Variants in GPR137C observed in about 807,000 individuals in gnomAD.
The protein encoded by GPR137C is G protein-coupled receptor 137C.
Under a neutral mutation model 43.4 loss-of-function variants are expected in GPR137C, and 27 were observed. The ratio of observed to expected loss-of-function variants is 0.62; its 90% CI spans 0.46 to 0.86. The LOEUF is 0.86. Ranked by LOEUF, GPR137C falls within the 40% of genes least tolerant of loss-of-function variation. The probability of loss-of-function intolerance (pLI) is 0.00; values close to 1 mark genes in which losing one functional copy is unlikely to be tolerated. For missense variants in GPR137C, 522 were observed against 534.6 expected (o/e 0.98, Z 0.23); for synonymous variants, 285 against 226.9 (o/e 1.26, Z -2.30).
intron 1 of GPR137C, among the ~76,000 whole-genome samples, chr14:52,574,645 T>C (rs111313835): frequency 0.22 from 32,930 of 152,118 alleles, 3,935 homozygotes; most frequent in East Asian, 0.38. Flanking sequence ...CAAACCACCA[T>C]GGCACATGTA....
In GPR137C at chr14:52,553,349, C is replaced by G; in HGVS notation, c.202C>G (p.Leu68Val). Residue 68 changes from leucine (L) to valine (V), a missense_variant, in exon 1 of 7, where the codon CTG (leucine) becomes GTG (valine). Physicochemically the swap from Leu to Val is conservative, Grantham distance 32 (BLOSUM62 1). Transcript: ENST00000321662. The part of the protein sequence containing the change: ...AALFAFAYLQ[L>V]WRLLLYRERR... ...GCTGTTCGCCTTTGCCTACCTGCAG[C>G]TGTGGCGGCTGCTCCTGTACCGCGA... 2 of 1,601,600 alleles carry G rather than the reference C, an allele frequency of 1.2e-6. No individual in the cohort carries two copies. The highest frequency in any genetic ancestry group is 8.5e-7 in the Non-Finnish European group (1 of 1,178,240).
At chr14:52,571,843 C>T (rs12148003) in intron 1 of GPR137C, among the ~76,000 whole-genome samples, 14,810 of 151,888 alleles carry the variant, frequency 0.098, 1,073 homozygotes, top group East Asian at 0.36. Flanking sequence ...ACAAAATAGA[C>T]CACTAGCCAG....
chr14:52,582,258 G>A (rs1469168227), intron 1 of GPR137C, among the ~76,000 whole-genome samples: 1 of 152,098 alleles, frequency 6.6e-6, no homozygotes, highest in Non-Finnish European at 1.5e-5. Context: ...AATGAGGGCT[G>A]CATCCTCATG....
At chr14:52,615,550 G>A (rs1212540377) in intron 3 of GPR137C, among the ~76,000 whole-genome samples, 1 of 151,526 alleles carries the variant, frequency 6.6e-6, no homozygotes, top group African/African-American at 2.4e-5. Context: ...ATTGCTTTGG[G>A]TAGTATGGAC....
At chr14:52,633,460 A>T (rs1594811935) in intron 4 of GPR137C, 70 bp from the exon 5 acceptor site, 1 of 1,339,442 alleles carries the variant, frequency 7.5e-7, no homozygotes, top group Middle Eastern at 1.8e-4. Context: ...ACTTGAAACA[A>T]GTTAACTGTG....
chr14:52,566,118 G>A (rs556428082), intron 1 of GPR137C, among the ~76,000 whole-genome samples: 139 of 152,222 alleles, frequency 9.1e-4, no homozygotes, highest in African/African-American at 2.7e-3. Context: ...TACATAACAC[G>A]TTAAAACTGA....
At chr14:52,600,085 A>C (rs1376733285) in intron 2 of GPR137C, 28 bp from the exon 3 acceptor site, 4 of 1,401,722 alleles carry the variant, frequency 2.9e-6, no homozygotes, top group Non-Finnish European at 4.0e-6. Context: ...TAGTTATATA[A>C]CCATCTAATA....
At position 52,552,863 on chromosome 14, in the gene GPR137C, G is replaced by C. The variant is rs2038096951; in HGVS notation, c.-285G>C. On this transcript the variant is annotated 5_prime_UTR_variant, in exon 1 of 7. Coordinates refer to ENST00000321662, the MANE Select transcript of GPR137C (RefSeq NM_001099652.2). Reference sequence around the variant, plus strand: ...TGCGGAGCGAGCGCCTCAAATGCTCGGGTTTCTCAGCTGATTGTCTCCAGC... The same window carrying C: ...TGCGGAGCGAGCGCCTCAAATGCTCCGGTTTCTCAGCTGATTGTCTCCAGC... 6.6e-6 allele frequency among the ~76,000 whole-genome samples: 1 copy of C among 152,018 alleles called. No individual in the cohort carries two copies. The highest frequency in any genetic ancestry group is 1.5e-5 in the Non-Finnish European group (1 of 67,970).
rs969119649 is a variant in GPR137C, at chr14:52,553,225, C to T, written c.78C>T (p.Gly26=). The T allele has an allele frequency of 1.6e-5, 20 of 1,285,444 alleles. No individual in the cohort carries two copies. The highest frequency in any genetic ancestry group is 4.1e-5 in the Admixed American group (1 of 24,614). 79.6% of individuals were successfully genotyped at this position (1,285,444 alleles called of 1,614,324 possible). A position where few individuals can be genotyped will look rare whatever the true frequency, so the allele number is the denominator to read the frequency against. ...GCGAGCCCTCCACGCCCGGCGGGGG[C>T]AGCGGAGGCGGAGGCGCCGTCGCTG... The part of the protein sequence containing the change: ...AGREPSTPGG[G]SGGGGAVAAA... The change falls in exon 1 of 7, where the codon GGC becomes GGT. Residue 26 remains glycine (G), a synonymous_variant. Transcript: ENST00000321662.
chr14:52,573,632 C>G (rs1050737352), intron 1 of GPR137C, among the ~76,000 whole-genome samples: 2 of 152,052 alleles, frequency 1.3e-5, no homozygotes, highest in Non-Finnish European at 2.9e-5. Flanking sequence ...AGAAGAAAAC[C>G]TAGGCAATAC....
chr14:52,596,672 G>A (rs985097446), intron 1 of GPR137C, among the ~76,000 whole-genome samples: 2 of 152,230 alleles, frequency 1.3e-5, no homozygotes, highest in Non-Finnish European at 2.9e-5. Flanking sequence ...TGCTGAGACT[G>A]TGGGAAAAGT....
chr14:52,584,281 G>A (rs2038684906), intron 1 of GPR137C, among the ~76,000 whole-genome samples: 1 of 152,234 alleles, frequency 6.6e-6, no homozygotes, highest in Non-Finnish European at 1.5e-5. Flanking sequence ...CAGGTTATAT[G>A]TGCTAAGCTG....
At chr14:52,567,112 G>GA (rs1270440760) in intron 1 of GPR137C, among the ~76,000 whole-genome samples, 10 of 151,602 alleles carry the variant, frequency 6.6e-5, no homozygotes, top group African/African-American at 4.9e-5. Context: ...GACACCGTCT[G>GA]AAAAAAAAGA....
chr14:52,637,483 C>T lies in GPR137C; in HGVS notation c.*2368C>T, dbSNP rs972682713. On this transcript the variant is annotated 3_prime_UTR_variant, in exon 7 of 7. Transcript: ENST00000321662. ...CTTGGGTGGCCATTAATTTTGAAAC[C>T]TTTACCACTCATTGTAGTTGGTTGT... 3.3e-5 allele frequency: 5 copies of T among 152,060 alleles called. No homozygotes were observed. Among genetic ancestry groups the T allele is most frequent in the African/African-American group, 7.2e-5 (3 of 41,408 alleles). 9.4% of individuals were successfully genotyped at this position (152,060 alleles called of 1,614,324 possible). A position where few individuals can be genotyped will look rare whatever the true frequency, so the allele number is the denominator to read the frequency against.
At chr14:52,574,658 C>T (rs2038524011) in intron 1 of GPR137C, among the ~76,000 whole-genome samples, 2 of 152,272 alleles carry the variant, frequency 1.3e-5, no homozygotes, top group African/African-American at 2.4e-5. Flanking sequence ...CACATGTATA[C>T]TTATGTAACA....
chr14:52,603,010 A>G (rs1005831818), intron 3 of GPR137C, among the ~76,000 whole-genome samples: 1 of 152,158 alleles, frequency 6.6e-6, no homozygotes, highest in Admixed American at 6.5e-5. Flanking sequence ...ATTGTTATTA[A>G]CTATAATTTC....
chr14:52,618,220 A>G (rs59625891), intron 3 of GPR137C, among the ~76,000 whole-genome samples: 8,444 of 152,254 alleles, frequency 0.055, 780 homozygotes, highest in African/African-American at 0.19. Flanking sequence ...CTGATAGATT[A>G]CATTTTATCT....
rs776812932 is a variant in GPR137C, at chr14:52,553,370, C to G, written c.223C>G (p.Arg75Gly). Residue 75 changes from arginine (R) to glycine (G), a missense_variant, in exon 1 of 7, where the codon CGC becomes GGC. Transcript: ENST00000321662. ...GCAGCTGTGGCGGCTGCTCCTGTAC[C>G]GCGAGCGGCGGCTGAGTTACCAGAG... Reference protein sequence around the residue: ...YLQLWRLLLYRERRLSYQSLC... With the variant: ...YLQLWRLLLYGERRLSYQSLC... 6.2e-7 allele frequency: 1 copy of G among 1,604,436 alleles called. No individual in the cohort carries two copies. Among genetic ancestry groups the G allele is most frequent in the East Asian group, 2.2e-5 (1 of 44,774 alleles).
chr14:52,577,111 C>CG (rs1038874325), intron 1 of GPR137C, among the ~76,000 whole-genome samples: 20 of 135,828 alleles, frequency 1.5e-4, no homozygotes, highest in Non-Finnish European at 2.6e-4. Flanking sequence ...CACTTGAACC[C>CG]GGGGGGCGGA....
Sources: allele counts gnomAD v4.1 joint callset (sites outside exome capture counted in the v4.1 genomes callset), GRCh38; gene constraint gnomAD v4.1.1; transcripts MANE v1.5; gene names NCBI Gene and HGNC (gene_info 2026-07-23, HGNC 2026-07-21).